Variants in TROAP observed in about 807,000 individuals in gnomAD.
The protein encoded by TROAP is tastin.
In TROAP, 62 loss-of-function variants were observed where a neutral mutation model predicts 83.4. The observed-to-expected ratio is 0.74, with a 90% CI of 0.61 to 0.92. The LOEUF (loss-of-function observed/expected upper bound fraction) is 0.92. Ranked by LOEUF, TROAP falls within the 40% of genes least tolerant of loss-of-function variation. The pLI, the probability that TROAP is intolerant of heterozygous loss-of-function variation, is 0.00. For synonymous variants in TROAP, 352 were observed against 386.4 expected, an observed-to-expected ratio of 0.91 and a Z score of 1.04; for missense variants, 876 against 985.1, an observed-to-expected ratio of 0.89 and a Z score of 1.48.
intron 3 of TROAP, 85 bp from the exon 4 acceptor site, chr12:49,325,416 C>T (rs1943483282): frequency 2.2e-6 from 3 of 1,359,446 alleles, no homozygotes; most frequent in East Asian, 4.8e-5. Flanking sequence ...GTCTCTTGCT[C>T]ACCTTGTACC....
chr12:49,323,762 G>T lies in TROAP; in HGVS notation c.144+10G>T. 1 of 1,614,082 alleles carries T rather than the reference G, an allele frequency of 6.2e-7. No homozygotes were observed. The highest frequency in any genetic ancestry group is 1.1e-5 in the South Asian group (1 of 91,086). ...GAACCAAGATCCAAGGGTAAGAGGG[G>T]CCTAATGGGGGAAGACAGTAGTCAC... On this transcript the variant is annotated intron_variant, in intron 2 of 14. Coordinates refer to ENST00000257909, the MANE Select transcript of TROAP (RefSeq NM_005480.4).
rs758820898 is a variant in TROAP at position 49,329,792 on chromosome 12, G to C, written c.1165-65G>C. Reference sequence around the variant, plus strand: ...TTCAATCCATTCCTCATGAGGGTGGGACTCAGGCTGGTCTTTCTCCTGCCC... The same window carrying C: ...TTCAATCCATTCCTCATGAGGGTGGCACTCAGGCTGGTCTTTCTCCTGCCC... On this transcript the variant is annotated intron_variant, in intron 11 of 14. Transcript: ENST00000257909. This position sits in a 1 kb window ranked among gnomAD's most constrained non-coding sequence, Gnocchi z 4.5. The C allele has an allele frequency of 9.5e-6, 15 of 1,585,208 alleles. No homozygotes were observed. Among genetic ancestry groups the C allele is most frequent in the Non-Finnish European group, 1.3e-5 (15 of 1,164,738 alleles).
chr12:49,325,997 G>A, intron 5 of TROAP, 79 bp from the exon 6 acceptor site: 1 of 1,605,894 alleles, frequency 6.2e-7, no homozygotes, highest in Non-Finnish European at 8.5e-7. Flanking sequence ...CCTACTGGGG[G>A]AGATGGGGTT....
intron 8 of TROAP, among the ~76,000 whole-genome samples, chr12:49,328,209 T>G (rs1279803287): frequency 6.7e-6 from 1 of 149,356 alleles, no homozygotes; most frequent in Non-Finnish European, 1.5e-5. Context: ...TGATTTGACT[T>G]AGGTCTTTTT....
chr12:49,324,445 C>T (rs565066731), intron 3 of TROAP: 11 of 412,776 alleles, frequency 2.7e-5, no homozygotes, highest in Non-Finnish European at 4.6e-5. Flanking sequence ...TAATACTTTG[C>T]AGCACTTCTT....
intron 6 of TROAP, 171 bp from the exon 7 acceptor site, chr12:49,326,497 G>A: frequency 1.3e-6 from 1 of 783,442 alleles, no homozygotes; most frequent in South Asian, 1.8e-5. Flanking sequence ...ATTTGTGCAA[G>A]CTTGCCTTCA....
chr12:49,323,495 G>A, intron 1 of TROAP, 109 bp from the exon 2 acceptor site: 2 of 1,454,860 alleles, frequency 1.4e-6, no homozygotes, highest in Admixed American at 4.0e-5. Flanking sequence ...GGGGCTTGTG[G>A]GCGCGTGGAT....
intron 3 of TROAP, among the ~76,000 whole-genome samples, chr12:49,325,258 G>A (rs1943480213): frequency 6.6e-6 from 1 of 151,046 alleles, no homozygotes; most frequent in South Asian, 2.1e-4. Flanking sequence ...GTTTTGCTAT[G>A]TTGGCCGGGT....
rs530806755 is a variant in TROAP at position 49,330,894 on chromosome 12, C to A, written c.2049C>A (p.Ser683Arg). ...CTTCCCAACACCCGCTTTGTGCCAGCCCCCCTATCTGCTCACTCCAGTCTT... is the reference window on the plus strand; with the variant it reads ...CTTCCCAACACCCGCTTTGTGCCAGACCCCCTATCTGCTCACTCCAGTCTT... ...IFSSQHPLCA[S>R]PPICSLQSLR... The change falls in exon 13 of 15, where the codon AGC becomes AGA. Residue 683 changes from serine to arginine, a missense_variant. Transcript: ENST00000257909. The A allele has an allele frequency of 1.1e-4, 181 of 1,612,666 alleles. No homozygotes were observed. In the Middle Eastern group the frequency reaches 1.6e-3, roughly 15 times the overall value.
Position 49,329,017 on chromosome 12 carries a change from C to G in TROAP, c.982C>G (p.Arg328Gly). The change falls in exon 9 of 15, where the codon CGG becomes GGG. Residue 328 changes from arginine to glycine, a missense_variant. By Grantham distance (125) the Arg-to-Gly change is moderately radical (BLOSUM62 -2). Around this residue, in one of 3 missense-constraint regions of TROAP, gnomAD observed 689 missense variants for 722.6 expected, o/e 0.95. Coordinates refer to ENST00000257909, the MANE Select transcript of TROAP (RefSeq NM_005480.4). The surrounding 1 kb of genome is among the most constrained non-coding windows in gnomAD (Gnocchi z 4.5). Reference protein sequence around the residue: ...HVVPCPSPFGRAQRVPSPGPP... With the variant: ...HVVPCPSPFGGAQRVPSPGPP... ...GGTGCCATGTCCATCACCCTTTGGACGGGCTCAGCGTGTACCCTCCCCAGG... is the reference window on the plus strand; with the variant it reads ...GGTGCCATGTCCATCACCCTTTGGAGGGGCTCAGCGTGTACCCTCCCCAGG... The G allele has an allele frequency of 2.5e-6, 4 of 1,611,288 alleles. No individual in the cohort carries two copies. Among genetic ancestry groups the G allele is most frequent in the South Asian group, 1.1e-5 (1 of 90,672 alleles).
chr12:49,325,221 T>C (rs1943479660), intron 3 of TROAP, among the ~76,000 whole-genome samples: 1 of 151,258 alleles, frequency 6.6e-6, no homozygotes, highest in Non-Finnish European at 1.5e-5. Context: ...ACCCAGCCAA[T>C]TTTTGTATTT....
chr12:49,331,040 T>C, intron 13 of TROAP, 97 bp downstream of exon 13: 1 of 1,549,346 alleles, frequency 6.5e-7, no homozygotes, highest in South Asian at 1.1e-5. Context: ...AATCTCATGC[T>C]TCCACACCTT....
Position 49,329,619 on chromosome 12 carries a change from T to C in TROAP, c.1164+165T>C, listed in dbSNP as rs78055735. On this transcript the variant is annotated intron_variant, in intron 11 of 14. Coordinates refer to ENST00000257909, the MANE Select transcript of TROAP (RefSeq NM_005480.4). The surrounding 1 kb of genome is among the most constrained non-coding windows in gnomAD (Gnocchi z 4.5). ...GGTAGGAGGATTGCTTGAGCTCAGA[T>C]CTTTGAGACCAGCCTGGGCAACATA... 14,632 of 1,000,234 alleles carry C rather than the reference T, an allele frequency of 0.015. 207 individuals carry two copies. The highest frequency in any genetic ancestry group is 0.057 in the Middle Eastern group (260 of 4,528). The allele number at this position is 1,000,234 out of a possible 1,614,324, so 62.0% of individuals were successfully genotyped here.
At chr12:49,330,973 C>T (rs372340976) in intron 13 of TROAP, 30 bp downstream of exon 13, 1 of 1,605,472 alleles carries the variant, frequency 6.2e-7, no homozygotes, top group African/African-American at 1.3e-5. Flanking sequence ...GGAGTGTGAA[C>T]ACAAGAGGTC....
chr12:49,331,356 C>G lies in TROAP; in HGVS notation c.2241C>G (p.Thr747=), dbSNP rs755949205. The change falls in exon 14 of 15, where the codon ACC becomes ACG. Residue 747 remains threonine, a synonymous_variant. Transcript: ENST00000257909. ...YTSRAPPSGP[T]RVCTNPVATL... ...GCCGAGCCCCTCCCTCAGGCCCCAC[C>G]CGGGTCTGCACCAACCCTGTGGCTA... 16 of 1,614,084 alleles carry G rather than the reference C, an allele frequency of 9.9e-6. No homozygotes were observed. In the South Asian group the frequency reaches 1.5e-4, roughly 16 times the overall value.
At chr12:49,327,851 A>G (rs1427683685) in intron 8 of TROAP, among the ~76,000 whole-genome samples, 2 of 152,152 alleles carry the variant, frequency 1.3e-5, no homozygotes, top group African/African-American at 4.8e-5. Flanking sequence ...TTGGTATTGC[A>G]ATTTAAAATA....
chr12:49,326,249 G>A, intron 6 of TROAP, 91 bp downstream of exon 6: 1 of 1,320,634 alleles, frequency 7.6e-7, no homozygotes, highest in Non-Finnish European at 1.1e-6. Flanking sequence ...GGCCTTCCAG[G>A]AGCTTTAGGA....
Position 49,329,115 on chromosome 12 carries a change from T to C in TROAP, c.1021-46T>C. 6.2e-7 allele frequency: 1 copy of C among 1,614,126 alleles called. No homozygotes were observed. The highest frequency in any genetic ancestry group is 8.5e-7 in the Non-Finnish European group (1 of 1,179,994). On this transcript the variant is annotated intron_variant, in intron 9 of 14. Transcript: ENST00000257909. The surrounding 1 kb of genome is among the most constrained non-coding windows in gnomAD (Gnocchi z 4.5). ...GAACAGTCTGGCCGGAGATCCTTGC[T>C]ATGTCTGGGTTTTGTCCCTGCTCAG...
chr12:49,325,491 T>A lies in TROAP; in HGVS notation c.338-10T>A, dbSNP rs768045527. 9 of 1,611,426 alleles carry A rather than the reference T, an allele frequency of 5.6e-6. No homozygotes were observed. The highest frequency in any genetic ancestry group is 7.6e-6 in the Non-Finnish European group (9 of 1,178,696). On this transcript the variant is annotated splice_polypyrimidine_tract_variant and intron_variant, in intron 3 of 14. Transcript: ENST00000257909. Reference sequence around the variant, plus strand: ...TCCCCCTTCCTTTTCCTTCTCCTCTTTCCTTGCAGAGGCTCCAGGGACCAT... The same window carrying A: ...TCCCCCTTCCTTTTCCTTCTCCTCTATCCTTGCAGAGGCTCCAGGGACCAT...
Sources: allele counts gnomAD v4.1 joint callset (sites outside exome capture counted in the v4.1 genomes callset), GRCh38; gene constraint gnomAD v4.1.1; regional missense constraint gnomAD v4.1.1; non-coding constraint Gnocchi (gnomAD v3.1); transcripts MANE v1.5; gene names NCBI Gene and HGNC (gene_info 2026-07-23, HGNC 2026-07-21).